The following MAGI3 variants were observed in gnomAD, a reference collection of about 807,000 sequenced individuals.
The protein encoded by MAGI3 is membrane-associated guanylate kinase, WW and PDZ domain-containing protein 3.
A neutral mutation model predicts 121.8 loss-of-function variants in MAGI3; 43 were observed. That is an observed-to-expected ratio of 0.35 (90% CI 0.28 to 0.46). The LOEUF (loss-of-function observed/expected upper bound fraction) is 0.46. Among genes scored for constraint, MAGI3 ranks in the 20% least tolerant of loss-of-function variants. MAGI3 has a pLI of 1.00. For missense variants in MAGI3, 1,547 were observed against 1,797.3 expected, an observed-to-expected ratio of 0.86 and a Z score of 2.52; for synonymous variants, 553 against 639.3, an observed-to-expected ratio of 0.86 and a Z score of 2.04.
At chr1:113,636,468 T>C (rs376439032) in intron 9 of MAGI3, among the ~76,000 whole-genome samples, 1 of 152,148 alleles carries the variant, frequency 6.6e-6, no homozygotes, top group African/African-American at 2.4e-5. Context: ...TTTATTTCTG[T>C]CTTCATTTCG....
chr1:113,657,260 C>T (rs1181581942), intron 15 of MAGI3, among the ~76,000 whole-genome samples: 1 of 152,188 alleles, frequency 6.6e-6, no homozygotes, highest in Non-Finnish European at 1.5e-5. Flanking sequence ...AAGGGGTTAC[C>T]TTGAACAGTT....
chr1:113,660,966 G>A (rs1653759046), intron 16 of MAGI3, among the ~76,000 whole-genome samples: 1 of 151,934 alleles, frequency 6.6e-6, no homozygotes. Flanking sequence ...AAAGTTAGGA[G>A]ATGTTAGTTC....
chr1:113,411,666 T>C (rs1439894172), intron 1 of MAGI3, among the ~76,000 whole-genome samples: 1 of 152,002 alleles, frequency 6.6e-6, no homozygotes, highest in Admixed American at 6.6e-5. Context: ...TTGAAGGAAA[T>C]TGATTTATTC....
rs142767461 is a variant in MAGI3 at position 113,605,273 on chromosome 1, A to G, written c.1019-9328A>G. Among the ~76,000 whole-genome samples, 596 of 152,296 alleles carry G rather than the reference A, an allele frequency of 3.9e-3. 4 individuals carry two copies. Among genetic ancestry groups the G allele is most frequent in the African/African-American group, 0.013 (554 of 41,560 alleles). On this transcript the variant is annotated intron_variant, in intron 6 of 20. Coordinates refer to ENST00000307546, the MANE Select transcript of MAGI3 (RefSeq NM_001142782.2). ...CTATCAAGAAGAGAATGGATAAACC[A>G]TTTGTGGTATATTCATGCAATAAAA...
At chr1:113,640,960 A>G (rs1365336871) in intron 9 of MAGI3, among the ~76,000 whole-genome samples, 3 of 132,294 alleles carry the variant, frequency 2.3e-5, no homozygotes, top group African/African-American at 8.4e-5. Flanking sequence ...ATAATATTAA[A>G]TATATATATG....
intron 1 of MAGI3, among the ~76,000 whole-genome samples, chr1:113,400,509 GTTAGA>G (rs1651344565): frequency 6.6e-6 from 1 of 152,098 alleles, no homozygotes. Flanking sequence ...ACTTTGTATT[GTTAGA>G]TTAGTTTGGG....
At chr1:113,489,374 G>GA (rs1041260067) in intron 1 of MAGI3, among the ~76,000 whole-genome samples, 2 of 152,004 alleles carry the variant, frequency 1.3e-5, no homozygotes, top group Non-Finnish European at 2.9e-5. Context: ...AGAATAAAAG[G>GA]AAAAAACAAA....
chr1:113,478,233 A>G (rs1557778366), intron 1 of MAGI3, among the ~76,000 whole-genome samples: 1 of 152,144 alleles, frequency 6.6e-6, no homozygotes, highest in African/African-American at 2.4e-5. Context: ...ACTTTTGTCA[A>G]CTTGTCAAAA....
intron 3 of MAGI3, among the ~76,000 whole-genome samples, chr1:113,581,501 T>G (rs1355061311): frequency 6.6e-6 from 1 of 152,126 alleles, no homozygotes; most frequent in Non-Finnish European, 1.5e-5. Flanking sequence ...TACTTTCTCC[T>G]TTTTCTCACA....
At chr1:113,679,265 C>A (rs952891885) in intron 19 of MAGI3, among the ~76,000 whole-genome samples, 5 of 152,076 alleles carry the variant, frequency 3.3e-5, no homozygotes, top group East Asian at 1.9e-4. Context: ...TCCCTCCCCC[C>A]ATCTTGTATT....
At chr1:113,530,915 C>CA (rs1298750420) in intron 1 of MAGI3, among the ~76,000 whole-genome samples, 1 of 150,842 alleles carries the variant, frequency 6.6e-6, no homozygotes, top group Non-Finnish European at 1.5e-5. Context: ...GCCCCTGTCT[C>CA]AAAAAAAGAA....
At position 113,450,339 on chromosome 1, in the gene MAGI3, T is replaced by C. The variant is rs1325759376; in HGVS notation, c.316+58990T>C. 62 of 1,406,718 alleles carry C rather than the reference T, an allele frequency of 4.4e-5. 1 individual carries two copies. The East Asian group carries it at 1.3e-3, about 31-fold the overall frequency. 87.1% of individuals were successfully genotyped at this position (1,406,718 alleles called of 1,614,324 possible). A position where few individuals can be genotyped will look rare whatever the true frequency, so the allele number is the denominator to read the frequency against. ...GAAACTTTGGAGGTGGTGGAGGAGC[T>C]ATGGTGGTGGAGGTGGTGGCAGCAG... On this transcript the variant is annotated intron_variant, in intron 1 of 20. Transcript: ENST00000307546.
intron 1 of MAGI3, among the ~76,000 whole-genome samples, chr1:113,423,496 C>T (rs1438376442): frequency 6.6e-6 from 1 of 152,130 alleles, no homozygotes; most frequent in Admixed American, 6.5e-5. Context: ...TAGTCTTGAT[C>T]TCCTGACCTC....
chr1:113,680,477 G>C (rs2101037313), intron 19 of MAGI3, among the ~76,000 whole-genome samples: 1 of 152,252 alleles, frequency 6.6e-6, no homozygotes, highest in African/African-American at 2.4e-5. Context: ...CCTACACAGG[G>C]CCGGGCGCGG....
chr1:113,497,203 G>A (rs1656963417), intron 1 of MAGI3, among the ~76,000 whole-genome samples: 1 of 151,872 alleles, frequency 6.6e-6, no homozygotes, highest in Non-Finnish European at 1.5e-5. Context: ...GTTGCAGTGA[G>A]CTAAGATCAC....
chr1:113,626,913 GTGT>G (rs1255070333), intron 9 of MAGI3, among the ~76,000 whole-genome samples: 1 of 151,706 alleles, frequency 6.6e-6, no homozygotes, highest in Non-Finnish European at 1.5e-5. Flanking sequence ...TTGATCTTTT[GTGT>G]TGTTTTCTTC....
chr1:113,453,521 A>AAATATTAATTAATTAAATATTTAAT (rs1654587753), intron 1 of MAGI3, among the ~76,000 whole-genome samples: 1 of 152,198 alleles, frequency 6.6e-6, no homozygotes, highest in Admixed American at 6.5e-5. Flanking sequence ...ATTAAATTGC[A>AAATATTAATTAATTAAATATTTAAT]TAATCACAAA....
chr1:113,576,567 G>A (rs1204576875), intron 2 of MAGI3, among the ~76,000 whole-genome samples: 1 of 152,182 alleles, frequency 6.6e-6, no homozygotes, highest in Non-Finnish European at 1.5e-5. Flanking sequence ...CTGTGTTGGT[G>A]TTGCTGGGAG....
intron 15 of MAGI3, among the ~76,000 whole-genome samples, chr1:113,656,917 A>G (rs1382505379): frequency 6.6e-6 from 1 of 152,210 alleles, no homozygotes. Context: ...AAAGGCCTCT[A>G]TTTAAGATTA....
Sources: gnomAD v4.1 joint callset for allele counts (sites outside exome capture counted in the v4.1 genomes callset) on GRCh38, gnomAD v4.1.1 for gene constraint, MANE v1.5 for transcripts, NCBI Gene and HGNC (gene_info 2026-07-23, HGNC 2026-07-21) for gene names.